CCNJL: variants seen among roughly 807,000 people sequenced by gnomAD.
CCNJL encodes the protein cyclin-J-like protein.
CCNJL carries 33 observed loss-of-function variants against 33.4 expected under a neutral mutation model. The ratio of observed to expected loss-of-function variants is 0.99; its 90% confidence interval spans 0.75 to 1.32. The LOEUF (loss-of-function observed/expected upper bound fraction) is 1.32, where lower values mean the gene tolerates loss of function less well. CCNJL is among the 40% of genes most tolerant of loss of function. CCNJL has a pLI of 0.00. For missense variants in CCNJL, 512 were observed against 499.7 expected (o/e 1.02, Z -0.23); for synonymous variants, 227 against 220.9 (o/e 1.03, Z -0.24).
intron 1 of CCNJL, among the ~76,000 whole-genome samples, chr5:160,335,917 A>T (rs994958510): frequency 1.3e-5 from 2 of 152,112 alleles, no homozygotes; most frequent in Non-Finnish European, 2.9e-5. Flanking sequence ...TTTGGTTTCC[A>T]GCATCACAGT....
rs1001286107 is a variant in CCNJL, at chr5:160,284,991, G to A, written c.67-4253C>T. On this transcript the variant is annotated intron_variant, in intron 2 of 5. Coordinates refer to ENST00000257536, the MANE Select transcript of CCNJL (RefSeq NM_001308173.3). ...CGTAATCTCAGCACTTTGGGAGGTC[G>A]ACGGGGGTGGATCACTTGAGGTCAG... Among the ~76,000 whole-genome samples the A allele has an allele frequency of 5.3e-5, 8 of 152,104 alleles. No homozygotes were observed. In the East Asian group the frequency reaches 1.4e-3, roughly 26 times the overall value.
intron 2 of CCNJL, among the ~76,000 whole-genome samples, chr5:160,292,932 T>G (rs1397200739): frequency 1.3e-5 from 2 of 152,166 alleles, no homozygotes; most frequent in African/African-American, 4.8e-5. Context: ...GTTCTGAGAT[T>G]ACCAGCATCC....
chr5:160,268,666 G>A (rs1483422564), intron 3 of CCNJL, among the ~76,000 whole-genome samples: 1 of 152,198 alleles, frequency 6.6e-6, no homozygotes, highest in East Asian at 1.9e-4. Flanking sequence ...ACAGGGGTTG[G>A]AGGCCAGGTA....
chr5:160,319,960 T>C (rs1429408064), intron 1 of CCNJL, among the ~76,000 whole-genome samples: 2 of 151,126 alleles, frequency 1.3e-5, no homozygotes, highest in African/African-American at 4.9e-5. Flanking sequence ...AAATAAACGA[T>C]GGATAACATG....
At chr5:160,323,672 A>AG (rs1016236321) in intron 1 of CCNJL, among the ~76,000 whole-genome samples, 2 of 152,182 alleles carry the variant, frequency 1.3e-5, no homozygotes, top group Non-Finnish European at 2.9e-5. Context: ...TGACTGGGCC[A>AG]GGGGGTGCCC....
chr5:160,258,622 CG>C lies in CCNJL; in HGVS notation c.583+846del, dbSNP rs1761180070. ...TTGAAGTCTGTGGATGCAGCTGTTA[CG>C]AAGATGGTTAAACCTGAAACAATCT... On this transcript the variant is annotated intron_variant, in intron 4 of 5. Coordinates refer to ENST00000257536, the MANE Select transcript of CCNJL (RefSeq NM_001308173.3). The C allele has an allele frequency of 4.3e-6, 5 of 1,158,526 alleles. No homozygotes were observed. The Admixed American group carries it at 6.8e-5, about 16-fold the overall frequency. 71.8% of individuals were successfully genotyped at this position (1,158,526 alleles called of 1,614,324 possible).
chr5:160,271,167 G>A (rs935940265), intron 3 of CCNJL, among the ~76,000 whole-genome samples: 3 of 152,108 alleles, frequency 2.0e-5, no homozygotes, highest in Admixed American at 1.3e-4. Flanking sequence ...AACATATCTC[G>A]TTCGAGTCTG....
intron 4 of CCNJL, 112 bp downstream of exon 4, chr5:160,259,357 C>T (rs1396691581): frequency 1.1e-6 from 1 of 880,516 alleles, no homozygotes. Context: ...GGTGCACAGG[C>T]CCCAGTGAGA....
rs532660821 is a variant in CCNJL at position 160,288,814 on chromosome 5, G to C, written c.67-8076C>G. ...CCACTGCACTCCAGCCTGGGCGACA[G>C]AGCGAGACTCTGTCTAAAAAAAAAA... is the stretch of plus-strand genomic sequence containing the variant. On this transcript the variant is annotated intron_variant, in intron 2 of 5. Coordinates refer to ENST00000257536, the MANE Select transcript of CCNJL (RefSeq NM_001308173.3). Among the ~76,000 whole-genome samples the C allele has an allele frequency of 5.4e-3, 700 of 130,394 alleles. 4 individuals are homozygous for C. The highest frequency in any genetic ancestry group is 0.012 in the Middle Eastern group (2 of 164). The allele number at this position is 130,394 out of a possible 152,430, so 85.5% of individuals were successfully genotyped here. A position where few individuals can be genotyped will look rare whatever the true frequency, so the allele number is the denominator to read the frequency against.
intron 1 of CCNJL, among the ~76,000 whole-genome samples, chr5:160,338,144 C>T: frequency 6.6e-6 from 1 of 152,342 alleles, no homozygotes; most frequent in South Asian, 2.1e-4. Flanking sequence ...CTCCTGTAGT[C>T]CCAGCACTTT....
At chr5:160,299,055 T>C (rs1762841213) in intron 2 of CCNJL, among the ~76,000 whole-genome samples, 2 of 152,150 alleles carry the variant, frequency 1.3e-5, no homozygotes, top group South Asian at 4.1e-4. Flanking sequence ...CACGGCTCAC[T>C]GCAGCCTGGA....
chr5:160,314,552 G>C (rs184370066), upstream of CCNJL, among the ~76,000 whole-genome samples: 2 of 152,324 alleles, frequency 1.3e-5, no homozygotes, highest in East Asian at 1.9e-4. Flanking sequence ...TAGATACTAA[G>C]ACATGGGAAG....
At chr5:160,332,397 C>A (rs1450314176) in intron 1 of CCNJL, among the ~76,000 whole-genome samples, 1 of 152,206 alleles carries the variant, frequency 6.6e-6, no homozygotes. Flanking sequence ...CTTTGCCCAG[C>A]CAGAATGACT....
At chr5:160,257,267 A>T (rs529995691) in intron 4 of CCNJL, among the ~76,000 whole-genome samples, 1 of 151,682 alleles carries the variant, frequency 6.6e-6, no homozygotes, top group Non-Finnish European at 1.5e-5. Context: ...CGAGGTCAGG[A>T]GATCGAGACC....
chr5:160,266,188 G>C (rs942501195), intron 3 of CCNJL, among the ~76,000 whole-genome samples: 1 of 152,258 alleles, frequency 6.6e-6, no homozygotes, highest in Non-Finnish European at 1.5e-5. Flanking sequence ...GCAGTGCTAC[G>C]CAGTCAGGTG....
At position 160,321,008 on chromosome 5, in the gene CCNJL, C is replaced by T. The variant is rs4921125; in HGVS notation, n.207-5503G>A. Among the ~76,000 whole-genome samples the T allele has an allele frequency of 8.3e-4, 83 of 100,156 alleles. 2 individuals carry two copies. Among genetic ancestry groups the T allele is most frequent in the African/African-American group, 5.1e-3 (81 of 15,952 alleles). The allele number at this position is 100,156 out of a possible 152,430, so 65.7% of individuals were successfully genotyped here. ...TCTCTTTCTTTCTTTCTCTCTCTCT[C>T]TCTCTCTTTCTTTCTTTCTTTCTTT... On this transcript the variant is annotated intron_variant and non_coding_transcript_variant, in intron 1 of 7. Transcript: ENST00000377503.
At chr5:160,277,957 G>T (rs1762075452) in intron 3 of CCNJL, among the ~76,000 whole-genome samples, 1 of 151,994 alleles carries the variant, frequency 6.6e-6, no homozygotes, top group Non-Finnish European at 1.5e-5. Context: ...GCCCAGGCTG[G>T]AATGCAATGG....
intron 4 of CCNJL, chr5:160,258,724 G>A (rs377607694): frequency 3.0e-5 from 21 of 689,180 alleles, no homozygotes; most frequent in African/African-American, 1.2e-4. Flanking sequence ...AAAAGACAGA[G>A]TCTCGCTCTG....
chr5:160,333,124 A>ATTTTTT (rs1013125021), intron 1 of CCNJL, among the ~76,000 whole-genome samples: 3 of 143,372 alleles, frequency 2.1e-5, no homozygotes, highest in Admixed American at 7.0e-5. Flanking sequence ...GTCTCTACAA[A>ATTTTTT]TTTTTTTTTT....
Sources: allele counts gnomAD v4.1 joint callset (sites outside exome capture counted in the v4.1 genomes callset), GRCh38; gene constraint gnomAD v4.1.1; transcripts MANE v1.5; gene names NCBI Gene and HGNC (gene_info 2026-07-23, HGNC 2026-07-21).